Variants in LPP observed in about 807,000 individuals in gnomAD.
LPP encodes the protein LIM domain containing preferred translocation partner in lipoma, also known as lipoma-preferred partner.
Under a neutral mutation model 60.4 loss-of-function variants are expected in LPP, and 38 were observed. The observed-to-expected ratio is 0.63, with a 90% CI of 0.49 to 0.83. LPP has a LOEUF of 0.83. Among genes scored for constraint, LPP ranks in the 40% least tolerant of loss-of-function variants. The pLI, the probability that LPP is intolerant of heterozygous loss-of-function variation, is 0.00. For missense variants in LPP, 902 were observed against 783.6 expected, an observed-to-expected ratio of 1.15 and a Z score of -1.80; for synonymous variants, 328 against 290.8, an observed-to-expected ratio of 1.13 and a Z score of -1.30.
chr3:188,316,456 G>T (rs1441546440), intron 2 of LPP, among the ~76,000 whole-genome samples: 1 of 133,872 alleles, frequency 7.5e-6, no homozygotes, highest in South Asian at 2.6e-4. Context: ...AAAAAAATAA[G>T]AATTGCTCAA....
chr3:188,473,169 C>T (rs763507212), intron 4 of LPP, among the ~76,000 whole-genome samples: 11 of 152,028 alleles, frequency 7.2e-5, no homozygotes, highest in African/African-American at 1.9e-4. Context: ...CCCTAGAGAA[C>T]GGTTGAAAAT....
intron 7 of LPP, among the ~76,000 whole-genome samples, chr3:188,627,510 A>G (rs1487357038): frequency 6.6e-6 from 1 of 152,194 alleles, no homozygotes; most frequent in Non-Finnish European, 1.5e-5. Flanking sequence ...TTCAGAAAAA[A>G]CAGACTGTAA....
At chr3:188,473,026 G>A (rs988302212) in intron 4 of LPP, among the ~76,000 whole-genome samples, 4 of 151,968 alleles carry the variant, frequency 2.6e-5, no homozygotes, top group African/African-American at 9.7e-5. Context: ...TTCTTTGACT[G>A]TTTCTCTATT....
chr3:188,874,012 AT>A lies in LPP; in HGVS notation c.1711-335del, dbSNP rs565517782. The stretch of plus-strand genomic sequence containing the variant: ...TGCATCGGTGGTTAGGGACATTCTT[AT>A]TTTCTCTTGTTGAGTGGGGGCAGCA... On this transcript the variant is annotated intron_variant, in intron 11 of 11. Coordinates refer to ENST00000617246, the MANE Select transcript of LPP (RefSeq NM_001375462.1). 7.6e-3 allele frequency among the ~76,000 whole-genome samples: 1,148 copies of A among 152,002 alleles called. 9 individuals are homozygous for A. The highest frequency in any genetic ancestry group is 0.011 in the Non-Finnish European group (757 of 67,970).
intron 7 of LPP, among the ~76,000 whole-genome samples, chr3:188,700,230 G>A (rs760051472): frequency 3.9e-5 from 6 of 151,972 alleles, no homozygotes; most frequent in South Asian, 2.1e-4. Context: ...CCGCCTGAGC[G>A]GTGCTTTTCT....
At chr3:188,856,017 C>G (rs1484310255) in intron 9 of LPP, among the ~76,000 whole-genome samples, 2 of 152,132 alleles carry the variant, frequency 1.3e-5, no homozygotes, top group African/African-American at 4.8e-5. Context: ...GGCCTCATGT[C>G]TACTCTTAAT....
At chr3:188,379,401 T>G (rs909737232) in intron 3 of LPP, among the ~76,000 whole-genome samples, 1 of 152,194 alleles carries the variant, frequency 6.6e-6, no homozygotes, top group Non-Finnish European at 1.5e-5. Flanking sequence ...TATTGAGACA[T>G]AATTTAATTA....
chr3:188,433,726 A>G (rs1039629158), intron 4 of LPP, among the ~76,000 whole-genome samples: 2 of 149,602 alleles, frequency 1.3e-5, no homozygotes, highest in African/African-American at 4.9e-5. Context: ...GGCCAGAGAG[A>G]AAGAGGAAGG....
At chr3:188,244,685 C>G (rs1726239286) in intron 2 of LPP, among the ~76,000 whole-genome samples, 1 of 152,108 alleles carries the variant, frequency 6.6e-6, no homozygotes, top group Admixed American at 6.6e-5. Flanking sequence ...TGTAGAGGTG[C>G]CTTTTCCGTG....
chr3:188,828,614 C>CA (rs71169022), intron 9 of LPP, among the ~76,000 whole-genome samples: 3,164 of 31,266 alleles, frequency 0.1, 739 homozygotes, highest in African/African-American at 0.21. Flanking sequence ...AACTCTGTCT[C>CA]AAAAAAAAAA....
At chr3:188,561,263 A>C (rs1054540675) in intron 6 of LPP, among the ~76,000 whole-genome samples, 1 of 152,116 alleles carries the variant, frequency 6.6e-6, no homozygotes, top group African/African-American at 2.4e-5. Context: ...GGCTTCTGCA[A>C]AACTTGGCAG....
intron 3 of LPP, among the ~76,000 whole-genome samples, chr3:188,354,250 C>A (rs60893700): frequency 0.045 from 6,897 of 152,030 alleles, 252 homozygotes; most frequent in East Asian, 0.2. Context: ...AATTTCAGTA[C>A]GGAGGCAAAG....
Position 188,393,760 on chromosome 3 carries a change from C to T in LPP, c.-9-12352C>T, listed in dbSNP as rs555356184. Among the ~76,000 whole-genome samples, 37 of 152,226 alleles carry T rather than the reference C, an allele frequency of 2.4e-4. 1 individual carries two copies. In the South Asian group the frequency reaches 7.7e-3, roughly 32 times the overall value. Reference sequence around the variant, plus strand: ...TTCTCTTTTATATAACAATCACTTGCTGAGATCTGATGATGGGATATACTG... The same window carrying T: ...TTCTCTTTTATATAACAATCACTTGTTGAGATCTGATGATGGGATATACTG... On this transcript the variant is annotated intron_variant, in intron 3 of 11. Transcript: ENST00000617246.
intron 6 of LPP, among the ~76,000 whole-genome samples, chr3:188,571,728 G>A (rs1287955280): frequency 6.6e-6 from 1 of 152,092 alleles, no homozygotes; most frequent in Non-Finnish European, 1.5e-5. Context: ...GGAACACTCT[G>A]TATCCTCCGC....
intron 7 of LPP, among the ~76,000 whole-genome samples, chr3:188,630,088 C>T (rs553702541): frequency 1.4e-4 from 22 of 152,140 alleles, no homozygotes; most frequent in Admixed American, 8.5e-4. Flanking sequence ...ATGAGGTCTC[C>T]GAAAGCAATT....
At chr3:188,569,926 A>C (rs546921421) in intron 6 of LPP, among the ~76,000 whole-genome samples, 1 of 152,014 alleles carries the variant, frequency 6.6e-6, no homozygotes, top group African/African-American at 2.4e-5. Flanking sequence ...TAAAAAGTCC[A>C]TGCTCATTTG....
At chr3:188,249,887 A>T (rs1728495884) in intron 2 of LPP, among the ~76,000 whole-genome samples, 1 of 51,330 alleles carries the variant, frequency 1.9e-5, no homozygotes, top group Non-Finnish European at 4.5e-5. Flanking sequence ...CCCACCCCAT[A>T]TATATATATA....
rs77263120 is a variant in LPP at position 188,769,697 on chromosome 3, T to C, written c.1410+9415T>C. ...ACGGCAGAGGTGGGACTAGAAACCA[T>C]GAGTCTTCATGAGGCCTTCAAAGAA... On this transcript the variant is annotated intron_variant, in intron 9 of 11. Transcript: ENST00000617246. Among the ~76,000 whole-genome samples, 843 of 152,222 alleles carry C rather than the reference T, an allele frequency of 5.5e-3. 3 individuals carry two copies. The highest frequency in any genetic ancestry group is 9.5e-3 in the Non-Finnish European group (647 of 68,010).
rs71298544 is a variant in LPP at position 188,182,711 on chromosome 3, A to AAT, written c.-190+28471_-190+28472dup. On this transcript the variant is annotated intron_variant, in intron 1 of 11. Coordinates refer to ENST00000617246, the MANE Select transcript of LPP (RefSeq NM_001375462.1). The surrounding 1 kb of genome is among the most constrained non-coding windows in gnomAD (Gnocchi z 4.4). ...TGATTTTTAACCAGCTAAAGAATTG[A>AAT]ATATATATATATAACATATGCACAT... is the stretch of plus-strand genomic sequence containing the variant. Among the ~76,000 whole-genome samples, 64,473 of 148,668 alleles carry AAT rather than the reference A, an allele frequency of 0.43. 14,233 individuals carry two copies. The highest frequency in any genetic ancestry group is 0.47 in the Non-Finnish European group (31,889 of 67,386).
Sources: gnomAD v4.1 joint callset for allele counts (sites outside exome capture counted in the v4.1 genomes callset) on GRCh38, gnomAD v4.1.1 for gene constraint, Gnocchi (gnomAD v3.1) non-coding constraint, MANE v1.5 for transcripts, NCBI Gene and HGNC (gene_info 2026-07-23, HGNC 2026-07-21) for gene names.